Variants in RAD51B observed in about 807,000 individuals in gnomAD.
RAD51B encodes the protein DNA repair protein RAD51 homolog 2.
Under a neutral mutation model 42.2 loss-of-function variants are expected in RAD51B, and 38 were observed. The ratio of observed to expected loss-of-function variants is 0.90; its 90% confidence interval spans 0.70 to 1.18. The LOEUF is 1.18. Among genes scored for constraint, RAD51B ranks in the 50% most tolerant of loss-of-function variants. RAD51B has a pLI of 0.00. For synonymous variants in RAD51B, 154 were observed against 145.2 expected (o/e 1.06, Z -0.43); for missense variants, 373 against 400.7 (o/e 0.93, Z 0.59).
intron 7 of RAD51B, among the ~76,000 whole-genome samples, chr14:68,158,330 T>C (rs2078561880): frequency 6.6e-6 from 1 of 152,250 alleles, no homozygotes; most frequent in Admixed American, 6.5e-5. Context: ...GGTATAATTC[T>C]TCAGTGTAAC....
chr14:68,369,665 A>T (rs2083212750), intron 8 of RAD51B, among the ~76,000 whole-genome samples: 1 of 152,150 alleles, frequency 6.6e-6, no homozygotes, highest in South Asian at 2.1e-4. Flanking sequence ...GATACTTCAT[A>T]TGTTATGCCT....
chr14:68,535,849 T>C (rs369122752), intron 10 of RAD51B, among the ~76,000 whole-genome samples: 1 of 152,184 alleles, frequency 6.6e-6, no homozygotes, highest in East Asian at 1.9e-4. Context: ...GAAAGGTCTC[T>C]AGGAGCACTT....
chr14:67,866,415 G>T (rs1482263813), intron 5 of RAD51B, among the ~76,000 whole-genome samples: 1 of 152,170 alleles, frequency 6.6e-6, no homozygotes, highest in African/African-American at 2.4e-5. Context: ...AACAAGCCAA[G>T]TAGGTATTAA....
intron 7 of RAD51B, among the ~76,000 whole-genome samples, chr14:68,068,129 A>G (rs943438803): frequency 2.0e-5 from 3 of 152,104 alleles, no homozygotes; most frequent in African/African-American, 7.2e-5. Flanking sequence ...AACTTTTTTT[A>G]AAACCAGCTT....
rs189267545 is a variant in RAD51B at position 68,457,905 on chromosome 14, G to A, written c.958-10267G>A. The stretch of plus-strand genomic sequence containing the variant: ...TGGGATTACAGGCGTGAGCCACTGC[G>A]CCCAGCCCTAGGAATTATTAACACT... On this transcript the variant is annotated intron_variant, in intron 9 of 10. Coordinates refer to ENST00000471583, the MANE Select transcript of RAD51B (RefSeq NM_133510.4). Among the ~76,000 whole-genome samples, 23 of 144,036 alleles carry A rather than the reference G, an allele frequency of 1.6e-4. No homozygotes were observed. The East Asian group carries it at 4.7e-3, about 29-fold the overall frequency. The allele number at this position is 144,036 out of a possible 152,430, so 94.5% of individuals were successfully genotyped here. A position where few individuals can be genotyped will look rare whatever the true frequency, so the allele number is the denominator to read the frequency against.
intron 7 of RAD51B, among the ~76,000 whole-genome samples, chr14:68,291,628 T>C (rs1404542341): frequency 6.6e-6 from 1 of 152,226 alleles, no homozygotes; most frequent in African/African-American, 2.4e-5. Context: ...TTAGAATGAA[T>C]TGATAGAGGT....
intron 7 of RAD51B, among the ~76,000 whole-genome samples, chr14:67,904,476 T>C (rs538513466): frequency 3.3e-5 from 5 of 151,942 alleles, no homozygotes; most frequent in Non-Finnish European, 7.4e-5. Flanking sequence ...ATTTTGATTT[T>C]AGTATACATT....
intron 7 of RAD51B, among the ~76,000 whole-genome samples, chr14:68,148,335 G>A (rs945684695): frequency 6.6e-6 from 1 of 151,912 alleles, no homozygotes. Flanking sequence ...TTTTTTATTG[G>A]GCAAATACCT....
intron 10 of RAD51B, chr14:68,540,816 T>C (rs563451921): frequency 1.3e-5 from 13 of 985,328 alleles, no homozygotes; most frequent in Non-Finnish European, 1.6e-5. Flanking sequence ...AAGAATGGAA[T>C]TGGATGGTGT....
chr14:68,391,055 A>G (rs887649524), intron 8 of RAD51B, among the ~76,000 whole-genome samples: 3 of 152,252 alleles, frequency 2.0e-5, no homozygotes, highest in Admixed American at 6.5e-5. Flanking sequence ...TGGAGAATTC[A>G]AAAGTTCAGT....
intron 7 of RAD51B, among the ~76,000 whole-genome samples, chr14:68,282,506 A>G (rs1459027641): frequency 6.6e-6 from 1 of 152,142 alleles, no homozygotes; most frequent in Non-Finnish European, 1.5e-5. Flanking sequence ...TTGTGTGTCT[A>G]TATTGATGTC....
chr14:68,500,281 C>G lies in RAD51B; in HGVS notation c.1036+32031C>G, dbSNP rs138515807. 3.6e-4 allele frequency among the ~76,000 whole-genome samples: 55 copies of G among 152,316 alleles called. 1 individual carries two copies. In the East Asian group the frequency reaches 0.011, roughly 29 times the overall value. On this transcript the variant is annotated intron_variant, in intron 10 of 10. Transcript: ENST00000487270. ...CACATACATTATCCCATTTAATCCT[C>G]GAAACAATCCTACATGGTTGCTATT...
intron 7 of RAD51B, among the ~76,000 whole-genome samples, chr14:67,893,734 G>C (rs1566945674): frequency 6.6e-6 from 1 of 152,040 alleles, no homozygotes; most frequent in Non-Finnish European, 1.5e-5. Flanking sequence ...GGTTTTATGA[G>C]TAGAAGTTGG....
At chr14:68,138,285 T>C (rs1000742827) in intron 7 of RAD51B, among the ~76,000 whole-genome samples, 1 of 152,182 alleles carries the variant, frequency 6.6e-6, no homozygotes, top group African/African-American at 2.4e-5. Context: ...AATTTCTGGG[T>C]AAGTATAGGT....
intron 4 of RAD51B, among the ~76,000 whole-genome samples, chr14:67,837,144 CACACACACACAT>C (rs965206433): frequency 5.9e-5 from 9 of 151,554 alleles, no homozygotes; most frequent in Non-Finnish European, 1.3e-4. Flanking sequence ...AATAAAAATG[CACACACACACAT>C]ACACACACAC....
At chr14:68,082,207 G>C (rs554659754) in intron 7 of RAD51B, among the ~76,000 whole-genome samples, 1 of 152,178 alleles carries the variant, frequency 6.6e-6, no homozygotes, top group East Asian at 1.9e-4. Flanking sequence ...TGATCTGCCT[G>C]CCTCGGCCTC....
In RAD51B at chr14:68,515,821, A is replaced by C. The variant is rs1356983747; in HGVS notation, c.1036+47571A>C. Among the ~76,000 whole-genome samples, 5 of 133,432 alleles carry C rather than the reference A, an allele frequency of 3.7e-5. No homozygotes were observed. The East Asian group carries it at 8.6e-4, about 23-fold the overall frequency. 87.5% of individuals were successfully genotyped at this position (133,432 alleles called of 152,430 possible). A position where few individuals can be genotyped will look rare whatever the true frequency, so the allele number is the denominator to read the frequency against. On this transcript the variant is annotated intron_variant, in intron 10 of 10. Transcript: ENST00000487270. ...GAGACAGAGTCTCACTCTGTCGCCC[A>C]GGCTGGAGTGCTGGAGTGCAGTGGC...
intron 7 of RAD51B, among the ~76,000 whole-genome samples, chr14:68,120,683 C>T (rs918131942): frequency 5.9e-5 from 9 of 151,924 alleles, no homozygotes; most frequent in African/African-American, 2.2e-4. Flanking sequence ...CTTTGGGAGC[C>T]TGGAAGTCTC....
chr14:68,663,980 A>C (rs753012699), intron 11 of RAD51B, among the ~76,000 whole-genome samples: 4 of 152,204 alleles, frequency 2.6e-5, no homozygotes, highest in Non-Finnish European at 4.4e-5. Flanking sequence ...GATTATTATT[A>C]AGACAGACTC....
Sources: gnomAD v4.1 joint callset for allele counts (sites outside exome capture counted in the v4.1 genomes callset) on GRCh38, gnomAD v4.1.1 for gene constraint, MANE v1.5 for transcripts, NCBI Gene and HGNC (gene_info 2026-07-23, HGNC 2026-07-21) for gene names.